The following DPYSL5 variants were observed in gnomAD, a reference collection of about 807,000 sequenced individuals.
DPYSL5 encodes dihydropyrimidinase-related protein 5.
DPYSL5 carries 9 observed loss-of-function variants against 58.4 expected under a neutral mutation model. That is an observed-to-expected ratio of 0.15 (90% CI 0.09 to 0.27). The LOEUF (loss-of-function observed/expected upper bound fraction) is 0.27, where lower values mean the gene tolerates loss of function less well. Ranked by LOEUF, DPYSL5 falls within the 10% of genes least tolerant of loss-of-function variation. The pLI is 1.00. For missense variants in DPYSL5, 499 were observed against 770.6 expected (o/e 0.65, Z 4.17); for synonymous variants, 293 against 301.9 (o/e 0.97, Z 0.31).
chr2:26,862,532 A>G (rs1182312535), intron 1 of DPYSL5, among the ~76,000 whole-genome samples: 1 of 152,122 alleles, frequency 6.6e-6, no homozygotes, highest in African/African-American at 2.4e-5. Context: ...TAATCTCATC[A>G]TTTATTGTCC....
chr2:26,884,120 G>A (rs923718272), intron 1 of DPYSL5, among the ~76,000 whole-genome samples: 11 of 152,208 alleles, frequency 7.2e-5, no homozygotes, highest in South Asian at 4.1e-4. Flanking sequence ...GCAAGAGCAC[G>A]GGAAGCACAG....
chr2:26,848,360 G>C (rs1326778805), intron 1 of DPYSL5, 106 bp downstream of exon 1: 3 of 152,380 alleles, frequency 2.0e-5, no homozygotes, highest in Non-Finnish European at 2.9e-5. Context: ...GGGGAGCCGG[G>C]TGAGCCTGGG....
intron 1 of DPYSL5, among the ~76,000 whole-genome samples, chr2:26,850,062 G>A (rs1288479160): frequency 2.0e-5 from 3 of 152,238 alleles, no homozygotes; most frequent in East Asian, 1.9e-4. Context: ...CCGTAGTCTA[G>A]GGGCTGCAGC....
intron 2 of DPYSL5, among the ~76,000 whole-genome samples, chr2:26,907,375 A>G (rs570730779): frequency 6.6e-6 from 1 of 152,082 alleles, no homozygotes; most frequent in Non-Finnish European, 1.5e-5. Context: ...CAGCCTCCCA[A>G]AGTGCTGGGA....
intron 5 of DPYSL5, among the ~76,000 whole-genome samples, chr2:26,931,203 G>GTGTGTGTGTGTGTATGTATATATATA (rs1474347605): frequency 2.2e-5 from 1 of 44,910 alleles, no homozygotes; most frequent in African/African-American, 8.1e-5. Flanking sequence ...GTGTGTGTGT[G>GTGTGTGTGTGTGTATGTATATATATA]TATATATATA....
intron 1 of DPYSL5, among the ~76,000 whole-genome samples, chr2:26,883,373 C>T (rs760395672): frequency 1.3e-5 from 2 of 151,914 alleles, no homozygotes; most frequent in Admixed American, 1.3e-4. Context: ...GGAATCATAC[C>T]GTATTTGCTC....
chr2:26,884,493 T>A (rs1663659918), intron 1 of DPYSL5, among the ~76,000 whole-genome samples: 1 of 148,228 alleles, frequency 6.7e-6, no homozygotes, highest in Non-Finnish European at 1.5e-5. Flanking sequence ...TGAACACACA[T>A]CAACGCACAG....
Position 26,903,806 on chromosome 2 carries a change from T to C in DPYSL5, c.261+5046T>C, listed in dbSNP as rs148695962. Among the ~76,000 whole-genome samples, 12 of 152,328 alleles carry C rather than the reference T, an allele frequency of 7.9e-5. No homozygotes were observed. The East Asian group carries it at 2.1e-3, about 27-fold the overall frequency. On this transcript the variant is annotated intron_variant, in intron 2 of 12. Coordinates refer to ENST00000288699, the MANE Select transcript of DPYSL5 (RefSeq NM_020134.4). ...ACCCCAGCCCGGGGCCCAGAGCTTCTGTGCTTGTTAAGTTCCCTAACCCGG... is the reference window on the plus strand; with the variant it reads ...ACCCCAGCCCGGGGCCCAGAGCTTCCGTGCTTGTTAAGTTCCCTAACCCGG...
intron 9 of DPYSL5, 146 bp from the exon 10 acceptor site, chr2:26,941,804 T>G: frequency 1.9e-6 from 2 of 1,078,834 alleles, no homozygotes; most frequent in Non-Finnish European, 2.7e-6. Flanking sequence ...CTGGCTCATC[T>G]GAGATGGTGC....
Position 26,944,531 on chromosome 2 carries a change from T to A in DPYSL5, c.1441-125T>A. The A allele has an allele frequency of 9.3e-7, 1 of 1,074,868 alleles. No individual in the cohort carries two copies. The highest frequency in any genetic ancestry group is 1.3e-6 in the Non-Finnish European group (1 of 743,552). 66.6% of individuals were successfully genotyped at this position (1,074,868 alleles called of 1,614,324 possible). On this transcript the variant is annotated intron_variant, in intron 11 of 12. Transcript: ENST00000288699. This position sits in a 1 kb window ranked among gnomAD's most constrained non-coding sequence, Gnocchi z 4.4. ...TTTAAGAAGCCTTGGTCACTTGCAG[T>A]GATTTGGGTCTTGGGCAGAGTGGCA...
intron 1 of DPYSL5, among the ~76,000 whole-genome samples, chr2:26,888,209 TTTTCTTTCTTTCTTTCTTTCTTTCTTTC>T (rs70953832): frequency 9.5e-6 from 1 of 105,040 alleles, no homozygotes; most frequent in African/African-American, 3.8e-5. Flanking sequence ...CTTCCCTTTC[TTTTCTTTCTTTCTTTCTTTCTTTCTTTC>T]TTTCTTTCTT....
At chr2:26,919,319 T>C (rs1345127047) in intron 2 of DPYSL5, among the ~76,000 whole-genome samples, 1 of 152,214 alleles carries the variant, frequency 6.6e-6, no homozygotes, top group Non-Finnish European at 1.5e-5. Flanking sequence ...AGTGTATGCC[T>C]GGAAACTGTG....
rs976126674 is a variant in DPYSL5 at position 26,925,650 on chromosome 2, T to C, written c.420+605T>C. Among the ~76,000 whole-genome samples the C allele has an allele frequency of 3.3e-5, 5 of 152,184 alleles. No individual in the cohort carries two copies. The highest frequency in any genetic ancestry group is 1.2e-4 in the African/African-American group (5 of 41,438). ...TGTGCCTCCTTTGTGTCTGTGCCCCTGGCCTCTGGCTTTCCTGTCCTCCCC... is the reference window on the plus strand; with the variant it reads ...TGTGCCTCCTTTGTGTCTGTGCCCCCGGCCTCTGGCTTTCCTGTCCTCCCC... On this transcript the variant is annotated intron_variant, in intron 3 of 12. Coordinates refer to ENST00000288699, the MANE Select transcript of DPYSL5 (RefSeq NM_020134.4). This position sits in a 1 kb window ranked among gnomAD's most constrained non-coding sequence, Gnocchi z 4.5.
chr2:26,931,203 G>GTATGTATATATATATATATATA (rs1553320893), intron 5 of DPYSL5, among the ~76,000 whole-genome samples: 1 of 44,910 alleles, frequency 2.2e-5, no homozygotes, highest in African/African-American at 8.1e-5. Flanking sequence ...GTGTGTGTGT[G>GTATGTATATATATATATATATA]TATATATATA....
intron 2 of DPYSL5, among the ~76,000 whole-genome samples, chr2:26,909,715 C>CA (rs1243227975): frequency 6.6e-6 from 1 of 151,918 alleles, no homozygotes; most frequent in Non-Finnish European, 1.5e-5. Flanking sequence ...TTTGAGGCTG[C>CA]AGTGAGCTAT....
At chr2:26,906,344 C>G (rs1418860105) in intron 2 of DPYSL5, among the ~76,000 whole-genome samples, 2 of 152,030 alleles carry the variant, frequency 1.3e-5, no homozygotes, top group Non-Finnish European at 2.9e-5. Context: ...CCACCACGCC[C>G]AGCTAATTTT....
At chr2:26,859,198 A>T (rs942703570) in intron 1 of DPYSL5, among the ~76,000 whole-genome samples, 2 of 152,150 alleles carry the variant, frequency 1.3e-5, no homozygotes, top group Non-Finnish European at 2.9e-5. Flanking sequence ...GATTCTATTT[A>T]TGCATTTACT....
intron 6 of DPYSL5, 22 bp downstream of exon 6, chr2:26,931,706 G>A (rs761460043): frequency 6.2e-7 from 1 of 1,613,534 alleles, no homozygotes; most frequent in Admixed American, 1.7e-5. Context: ...GATGTCCACT[G>A]TGGGATTAGA....
At position 26,946,901 on chromosome 2, in the gene DPYSL5, T is replaced by C; in HGVS notation, c.1610-9T>C. On this transcript the variant is annotated splice_polypyrimidine_tract_variant and intron_variant, in intron 12 of 12. Coordinates refer to ENST00000288699, the MANE Select transcript of DPYSL5 (RefSeq NM_020134.4). ...GCCCGTCTCACCCTCTGTGCTTCCT[T>C]CCCTGCAGGCTCTCAGATCGATGAC... 1 of 1,613,256 alleles carries C rather than the reference T, an allele frequency of 6.2e-7. No homozygotes were observed. The highest frequency in any genetic ancestry group is 8.5e-7 in the Non-Finnish European group (1 of 1,179,188).
Sources: gnomAD v4.1 joint callset for allele counts (sites outside exome capture counted in the v4.1 genomes callset) on GRCh38, gnomAD v4.1.1 for gene constraint, Gnocchi (gnomAD v3.1) non-coding constraint, MANE v1.5 for transcripts, NCBI Gene and HGNC (gene_info 2026-07-23, HGNC 2026-07-21) for gene names.